Variants in RGS7 observed in about 807,000 individuals in gnomAD.
RGS7 encodes regulator of G-protein signaling 7.
RGS7 carries 27 observed loss-of-function variants against 81.1 expected under a neutral mutation model. That is an observed-to-expected ratio of 0.33 (90% confidence interval 0.25 to 0.46). RGS7 has a LOEUF of 0.46. Ranked by LOEUF, RGS7 falls within the 20% of genes least tolerant of loss-of-function variation. The pLI is 1.00. For synonymous variants in RGS7, 208 were observed against 207.7 expected (o/e 1.00, Z -0.01); for missense variants, 396 against 607.4 (o/e 0.65, Z 3.66).
chr1:240,919,684 A>C, intron 6 of RGS7: 1 of 562,646 alleles, frequency 1.8e-6, no homozygotes. Context: ...AAAGAACCGA[A>C]CAGCTGAGGA....
At chr1:241,139,190 TCTC>T (rs1413020577) in intron 2 of RGS7, among the ~76,000 whole-genome samples, 2 of 92,918 alleles carry the variant, frequency 2.2e-5, no homozygotes, top group Non-Finnish European at 2.4e-5. Flanking sequence ...CCTCCCTTCT[TCTC>T]TCTTTCCTTC....
At chr1:241,334,761 A>G (rs2082153936) in intron 2 of RGS7, among the ~76,000 whole-genome samples, 1 of 151,794 alleles carries the variant, frequency 6.6e-6, no homozygotes. Flanking sequence ...AAATTGCAAG[A>G]AAAAAAATAG....
At chr1:240,853,432 G>A (rs1026306581) in intron 9 of RGS7, among the ~76,000 whole-genome samples, 2 of 152,108 alleles carry the variant, frequency 1.3e-5, no homozygotes. Context: ...AGATTAATAC[G>A]AAAGCTACAT....
chr1:241,139,223 CCT>C (rs984573571), intron 2 of RGS7, among the ~76,000 whole-genome samples: 10 of 151,040 alleles, frequency 6.6e-5, no homozygotes, highest in African/African-American at 2.4e-4. Context: ...TCCCTTCCTT[CCT>C]CTCTCCCTCC....
At chr1:241,204,668 G>A (rs1214321911) in intron 2 of RGS7, among the ~76,000 whole-genome samples, 1 of 151,400 alleles carries the variant, frequency 6.6e-6, no homozygotes, top group African/African-American at 2.4e-5. Flanking sequence ...TGTCTCAAGT[G>A]TCTTTTTGTT....
intron 16 of RGS7, 105 bp from the exon 17 acceptor site, chr1:240,801,613 T>C: frequency 2.5e-6 from 2 of 808,608 alleles, no homozygotes; most frequent in Non-Finnish European, 4.2e-6. Context: ...AATGAAATGA[T>C]GCAACACCAA....
intron 4 of RGS7, among the ~76,000 whole-genome samples, chr1:240,976,733 AT>A: frequency 7.5e-6 from 1 of 133,450 alleles, no homozygotes; most frequent in East Asian, 2.2e-4. Context: ...ATCTCTATCT[AT>A]CTATCTATCT....
Position 241,164,272 on chromosome 1 carries a change from CT to C in RGS7, c.79-65511del, listed in dbSNP as rs35459623. On this transcript the variant is annotated intron_variant, in intron 2 of 18. Transcript: ENST00000440928. The surrounding 1 kb of genome is among the most constrained non-coding windows in gnomAD (Gnocchi z 4.1). ...CCAGAAGCTCTCAGAACCCTATCCT[CT>C]TTTTTTTTTTTTTAAGCTTCATTAT... Among the ~76,000 whole-genome samples, 137,834 of 145,620 alleles carry C rather than the reference CT, an allele frequency of 0.95. 65,231 individuals are homozygous for C. The highest frequency in any genetic ancestry group is 0.99 in the East Asian group (4,896 of 4,936).
Position 240,789,181 on chromosome 1 carries a change from G to A in RGS7, c.*6+11460C>T, listed in dbSNP as rs545773743. Among the ~76,000 whole-genome samples, 225 of 147,632 alleles carry A rather than the reference G, an allele frequency of 1.5e-3. 1 individual carries two copies. The highest frequency in any genetic ancestry group is 2.9e-3 in the Non-Finnish European group (198 of 68,002). On this transcript the variant is annotated intron_variant, in intron 18 of 18. Transcript: ENST00000440928. Reference sequence around the variant, plus strand: ...TGAACATAAATTGTGAAGATTTCATGGACACTTACCACTTCCCCAATCAAT... The same window carrying A: ...TGAACATAAATTGTGAAGATTTCATAGACACTTACCACTTCCCCAATCAAT...
At chr1:240,881,170 T>TA (rs1477650357) in intron 6 of RGS7, among the ~76,000 whole-genome samples, 1 of 152,030 alleles carries the variant, frequency 6.6e-6, no homozygotes, top group Non-Finnish European at 1.5e-5. Flanking sequence ...GATGCAGCCA[T>TA]AAAAAAGGAT....
chr1:241,167,041 T>C (rs1414954288), intron 2 of RGS7, among the ~76,000 whole-genome samples: 3 of 152,228 alleles, frequency 2.0e-5, no homozygotes, highest in Admixed American at 2.0e-4. Flanking sequence ...CCTGTGCCAC[T>C]GCTCCATTGA....
intron 3 of RGS7, among the ~76,000 whole-genome samples, chr1:241,020,887 T>C (rs1192505228): frequency 1.3e-5 from 2 of 152,188 alleles, no homozygotes; most frequent in African/African-American, 4.8e-5. Flanking sequence ...GGGATCACAA[T>C]ATTTTATCCA....
At chr1:241,153,884 T>G (rs2068930116) in intron 2 of RGS7, among the ~76,000 whole-genome samples, 2 of 152,174 alleles carry the variant, frequency 1.3e-5, no homozygotes. Flanking sequence ...GTGAGGAGGA[T>G]GGGAAGTATT....
chr1:241,119,075 A>T (rs2066064515), intron 2 of RGS7, among the ~76,000 whole-genome samples: 2 of 152,154 alleles, frequency 1.3e-5, no homozygotes, highest in South Asian at 2.1e-4. Flanking sequence ...AAAAATTAAA[A>T]ATTTACCAGC....
chr1:240,799,250 GGTTTGTGTGTGT>G (rs1341863386), intron 18 of RGS7, among the ~76,000 whole-genome samples: 2 of 137,090 alleles, frequency 1.5e-5, no homozygotes, highest in African/African-American at 3.3e-5. Context: ...TTATTATTAT[GGTTTGTGTGTGT>G]GTGTGTGTGT....
At chr1:241,131,226 A>G (rs1038676280) in intron 2 of RGS7, among the ~76,000 whole-genome samples, 1 of 152,202 alleles carries the variant, frequency 6.6e-6, no homozygotes, top group Non-Finnish European at 1.5e-5. Context: ...CATAGCACAT[A>G]GGAAAAAAAA....
chr1:241,326,626 A>G (rs73123979), intron 2 of RGS7, among the ~76,000 whole-genome samples: 3,582 of 151,252 alleles, frequency 0.024, 155 homozygotes, highest in African/African-American at 0.082. Flanking sequence ...AGTAAATTTC[A>G]GAGAATCAAA....
chr1:241,245,299 G>C (rs1035086815), intron 2 of RGS7, among the ~76,000 whole-genome samples: 3 of 151,940 alleles, frequency 2.0e-5, no homozygotes, highest in African/African-American at 7.3e-5. Context: ...TCTTATGACA[G>C]AGTTCTCAAG....
chr1:240,920,002 A>C (rs145185138), intron 6 of RGS7: 1 of 1,298,912 alleles, frequency 7.7e-7, no homozygotes, highest in Non-Finnish European at 1.1e-6. Context: ...GACACAGAAG[A>C]ACATCACCTA....
Sources: gnomAD v4.1 joint callset for allele counts (sites outside exome capture counted in the v4.1 genomes callset) on GRCh38, gnomAD v4.1.1 for gene constraint, Gnocchi (gnomAD v3.1) non-coding constraint, MANE v1.5 for transcripts, NCBI Gene and HGNC (gene_info 2026-07-23, HGNC 2026-07-21) for gene names.